RAD21L1: variants seen among roughly 807,000 people sequenced by gnomAD.
The protein encoded by RAD21L1 is double-strand-break repair protein rad21-like protein 1.
In RAD21L1, 47 loss-of-function variants were observed where a neutral mutation model predicts 69.0. The observed-to-expected ratio is 0.68, with a 90% CI of 0.54 to 0.87. The LOEUF (loss-of-function observed/expected upper bound fraction) is 0.87. RAD21L1 is among the 40% of genes least tolerant of loss of function. The pLI is 0.00. For synonymous variants in RAD21L1, 177 were observed against 205.8 expected (o/e 0.86, Z 1.20); for missense variants, 583 against 647.6 (o/e 0.90, Z 1.08).
intron 12 of RAD21L1, among the ~76,000 whole-genome samples, chr20:1,248,160 A>G (rs910947780): frequency 6.6e-6 from 1 of 151,456 alleles, no homozygotes; most frequent in African/African-American, 2.4e-5. Context: ...ACCCAATTGT[A>G]CACAAACTAC....
At position 1,252,279 on chromosome 20, in the gene RAD21L1, G is replaced by T. The variant is rs79415004; in HGVS notation, c.1480-1990G>T. Among the ~76,000 whole-genome samples the T allele has an allele frequency of 1.1e-4, 17 of 152,236 alleles. No homozygotes were observed. In the East Asian group the frequency reaches 3.1e-3, roughly 28 times the overall value. On this transcript the variant is annotated intron_variant, in intron 13 of 13. Transcript: ENST00000683101. Reference sequence around the variant, plus strand: ...TTTAAGATAGAGACACCAAAAAACTGACTGGAAGTTATATACGCATGAGTA... The same window carrying T: ...TTTAAGATAGAGACACCAAAAAACTTACTGGAAGTTATATACGCATGAGTA...
chr20:1,234,115 G>T lies in RAD21L1; in HGVS notation c.399G>T (p.Gln133His). The T allele has an allele frequency of 6.5e-7, 1 of 1,543,620 alleles. No homozygotes were observed. The highest frequency in any genetic ancestry group is 1.2e-5 in the South Asian group (1 of 83,576). Residue 133 changes from glutamine (Q) to histidine (H), a missense_variant, in exon 5 of 14, where the codon CAG (glutamine) becomes CAT (histidine). Gln to His is a conservative substitution (Grantham distance 24, BLOSUM62 0). Coordinates refer to ENST00000683101, the MANE Select transcript of RAD21L1 (RefSeq NM_001384355.1). ...TTGATGTTTCAGAACACTTTACTCA[G>T]AACCAAAGCAGACCAGAAGAAATCA... Reference protein sequence around the residue: ...NAIDVSEHFTQNQSRPEEITL... With the variant: ...NAIDVSEHFTHNQSRPEEITL...
intron 2 of RAD21L1, among the ~76,000 whole-genome samples, chr20:1,229,027 A>G (rs1414696196): frequency 6.6e-6 from 1 of 152,212 alleles, no homozygotes; most frequent in Non-Finnish European, 1.5e-5. Context: ...TAAAACAGTG[A>G]TTAGAATTTG....
At chr20:1,231,967 A>C (rs2087399773) in intron 4 of RAD21L1, among the ~76,000 whole-genome samples, 1 of 152,240 alleles carries the variant, frequency 6.6e-6, no homozygotes. Context: ...GTAGCTAATA[A>C]ATAAACGAAT....
At chr20:1,249,706 C>A (rs1317055667) in intron 13 of RAD21L1, among the ~76,000 whole-genome samples, 1 of 152,106 alleles carries the variant, frequency 6.6e-6, no homozygotes, top group Admixed American at 6.6e-5. Context: ...ACTAATAATT[C>A]TGTTACTATA....
In RAD21L1 at chr20:1,242,203, A is replaced by G. The variant is rs371791664; in HGVS notation, c.857-416A>G. Among the ~76,000 whole-genome samples the G allele has an allele frequency of 1.4e-4, 22 of 152,222 alleles. No homozygotes were observed. In the East Asian group the frequency reaches 2.7e-3, roughly 19 times the overall value. On this transcript the variant is annotated intron_variant, in intron 8 of 13. Transcript: ENST00000683101. ...GAGGGGAGAAGGGATTTTCTTTCCA[A>G]TGCAACACTGTAGGTTGTACTGTGG...
chr20:1,253,130 G>A (rs1048174692), intron 13 of RAD21L1, among the ~76,000 whole-genome samples: 1 of 152,194 alleles, frequency 6.6e-6, no homozygotes, highest in Non-Finnish European at 1.5e-5. Context: ...CTGAACCTGG[G>A]CCACGCCTTT....
intron 4 of RAD21L1, among the ~76,000 whole-genome samples, chr20:1,233,092 A>G (rs927585319): frequency 6.6e-6 from 1 of 152,212 alleles, no homozygotes; most frequent in Non-Finnish European, 1.5e-5. Context: ...ACTGTGAGCA[A>G]TAAATTTCTG....
chr20:1,242,055 G>A (rs1356640432), intron 8 of RAD21L1, among the ~76,000 whole-genome samples: 1 of 152,142 alleles, frequency 6.6e-6, no homozygotes, highest in Non-Finnish European at 1.5e-5. Flanking sequence ...CCTCCAAATT[G>A]GTGGACTTCC....
intron 5 of RAD21L1, among the ~76,000 whole-genome samples, chr20:1,234,763 T>C (rs572700311): frequency 7.2e-5 from 11 of 152,206 alleles, no homozygotes; most frequent in Non-Finnish European, 1.3e-4. Flanking sequence ...TTAAATTTTT[T>C]TTTTGACACA....
rs1298969249 is a variant in RAD21L1, at chr20:1,254,437, C to T, written c.1648C>T (p.Pro550Ser). The T allele has an allele frequency of 1.3e-6, 2 of 1,535,276 alleles. No individual in the cohort carries two copies. The highest frequency in any genetic ancestry group is 1.8e-6 in the Non-Finnish European group (2 of 1,138,094). ...TGCAGATATTATAGCTACGATGGGACCAATGTTTTATAACATATGAAGGAA... is the reference window on the plus strand; with the variant it reads ...TGCAGATATTATAGCTACGATGGGATCAATGTTTTATAACATATGAAGGAA... ...PYADIIATMG[P>S]MFYNI Residue 550 changes from proline to serine, a missense_variant, in exon 14 of 14, where the codon CCA becomes TCA. By Grantham distance (74) the Pro-to-Ser change is moderately conservative. Transcript: ENST00000683101.
Position 1,242,201 on chromosome 20 carries a change from C to T in RAD21L1, c.857-418C>T, listed in dbSNP as rs139893605. On this transcript the variant is annotated intron_variant, in intron 8 of 13. Transcript: ENST00000683101. ...CAGAGGGGAGAAGGGATTTTCTTTC[C>T]AATGCAACACTGTAGGTTGTACTGT... 6.8e-3 allele frequency among the ~76,000 whole-genome samples: 1,035 copies of T among 152,102 alleles called. 5 individuals are homozygous for T. Among genetic ancestry groups the T allele is most frequent in the South Asian group, 0.016 (78 of 4,818 alleles).
At chr20:1,229,757 A>G in intron 2 of RAD21L1, 123 bp from the exon 3 acceptor site, 1 of 700,196 alleles carries the variant, frequency 1.4e-6, no homozygotes, top group African/African-American at 1.8e-5. Flanking sequence ...GATATACTTT[A>G]ACTAAGAATA....
intron 9 of RAD21L1, 89 bp from the exon 10 acceptor site, chr20:1,243,008 A>G: frequency 2.1e-6 from 2 of 967,032 alleles, no homozygotes; most frequent in South Asian, 1.7e-5. Context: ...TATGAATTAT[A>G]GTTTTTCCTT....
chr20:1,249,691 T>C (rs1048832906), intron 13 of RAD21L1, among the ~76,000 whole-genome samples: 1 of 152,154 alleles, frequency 6.6e-6, no homozygotes, highest in African/African-American at 2.4e-5. Flanking sequence ...GTAAGCTTAG[T>C]CCCAACTAAT....
intron 12 of RAD21L1, among the ~76,000 whole-genome samples, chr20:1,247,577 T>C (rs1172090477): frequency 1.3e-5 from 2 of 152,176 alleles, no homozygotes; most frequent in Non-Finnish European, 2.9e-5. Context: ...TAAGAAAGCA[T>C]ACAGCATAGG....
chr20:1,241,483 T>C (rs1450739738), intron 8 of RAD21L1, among the ~76,000 whole-genome samples: 1 of 152,184 alleles, frequency 6.6e-6, no homozygotes, highest in Non-Finnish European at 1.5e-5. Context: ...GTTTATAAAC[T>C]CAGGCATGCA....
intron 5 of RAD21L1, among the ~76,000 whole-genome samples, chr20:1,237,732 C>A (rs1394400845): frequency 6.6e-6 from 1 of 152,068 alleles, no homozygotes; most frequent in Non-Finnish European, 1.5e-5. Flanking sequence ...AACTTACTTA[C>A]CTAAAATAGA....
chr20:1,246,127 A>G lies in RAD21L1; in HGVS notation c.1309-86A>G, dbSNP rs2087711528. ...AAATTAGTTTGAGAAGTGAGCATTCATGTGATTAAAGCATTTAATAAAATT... is the reference window on the plus strand; with the variant it reads ...AAATTAGTTTGAGAAGTGAGCATTCGTGTGATTAAAGCATTTAATAAAATT... On this transcript the variant is annotated intron_variant, in intron 11 of 13. Transcript: ENST00000683101. This position sits in a 1 kb window ranked among gnomAD's most constrained non-coding sequence, Gnocchi z 4.6. 6 of 588,532 alleles carry G rather than the reference A, an allele frequency of 1.0e-5. No individual in the cohort carries two copies. Among genetic ancestry groups the G allele is most frequent in the Non-Finnish European group, 1.7e-5 (6 of 351,208 alleles). 36.5% of individuals were successfully genotyped at this position (588,532 alleles called of 1,614,324 possible). A position where few individuals can be genotyped will look rare whatever the true frequency, so the allele number is the denominator to read the frequency against.
Sources: allele counts gnomAD v4.1 joint callset (sites outside exome capture counted in the v4.1 genomes callset), GRCh38; gene constraint gnomAD v4.1.1; non-coding constraint Gnocchi (gnomAD v3.1); transcripts MANE v1.5; gene names NCBI Gene and HGNC (gene_info 2026-07-23, HGNC 2026-07-21).